The following FAM216A variants were observed in gnomAD, a reference collection of about 807,000 sequenced individuals.
The protein encoded by FAM216A is protein FAM216A.
A neutral mutation model predicts 37.6 loss-of-function variants in FAM216A; 26 were observed. The ratio of observed to expected loss-of-function variants is 0.69; its 90% CI spans 0.51 to 0.96. The LOEUF is 0.96. FAM216A is among the 40% of genes least tolerant of loss of function. The pLI is 0.00. For missense variants in FAM216A, 326 were observed against 339.3 expected (o/e 0.96, Z 0.31); for synonymous variants, 110 against 121.7 (o/e 0.90, Z 0.64).
intron 2 of FAM216A, among the ~76,000 whole-genome samples, chr12:110,477,198 C>G (rs976948677): frequency 1.3e-5 from 2 of 152,150 alleles, no homozygotes; most frequent in Non-Finnish European, 2.9e-5. Context: ...ATGTTGTCAT[C>G]GTTTGGTTCA....
intron 2 of FAM216A, among the ~76,000 whole-genome samples, chr12:110,476,725 A>G (rs1335830339): frequency 2.7e-5 from 4 of 150,080 alleles, no homozygotes; most frequent in South Asian, 4.2e-4. Context: ...ACAGGGTTTC[A>G]CCATATTGGC....
At chr12:110,486,761 A>AT (rs370427865) in intron 5 of FAM216A, 44 bp downstream of exon 5, 43,467 of 1,169,202 alleles carry the variant, frequency 0.037, no homozygotes, top group Non-Finnish European at 0.04. Flanking sequence ...TCTCAGTTTA[A>AT]TTTTTTTTTT....
rs1301152154 is a variant in FAM216A, at chr12:110,474,146, G to A, written c.184+1028G>A. On this transcript the variant is annotated intron_variant, in intron 2 of 6. Transcript: ENST00000377673. ...TAAATAATATGGTCATTTAAAAAAT[G>A]TGTTGCAGTCTGGGTTCATTAATTT... is the stretch of plus-strand genomic sequence containing the variant. Among the ~76,000 whole-genome samples the A allele has an allele frequency of 9.9e-5, 15 of 152,098 alleles. No individual in the cohort carries two copies. In the East Asian group the frequency reaches 2.7e-3, roughly 27 times the overall value.
rs562509162 is a variant in FAM216A at position 110,478,531 on chromosome 12, C to T, written c.184+5413C>T. Among the ~76,000 whole-genome samples the T allele has an allele frequency of 9.3e-4, 141 of 152,248 alleles. 1 individual carries two copies. The highest frequency in any genetic ancestry group is 3.4e-3 in the Middle Eastern group (1 of 294). On this transcript the variant is annotated intron_variant, in intron 2 of 6. Transcript: ENST00000377673. ...AGGAGTTTCTCTGGCTGAAGTCAGACAGATGTGGGGAAGAGAAGCAGTTAG... is the reference window on the plus strand; with the variant it reads ...AGGAGTTTCTCTGGCTGAAGTCAGATAGATGTGGGGAAGAGAAGCAGTTAG...
chr12:110,486,474 T>C lies in FAM216A; in HGVS notation c.436+20T>C. 1 of 1,608,440 alleles carries C rather than the reference T, an allele frequency of 6.2e-7. No individual in the cohort carries two copies. The highest frequency in any genetic ancestry group is 8.5e-7 in the Non-Finnish European group (1 of 1,175,656). On this transcript the variant is annotated intron_variant, in intron 4 of 6. Coordinates refer to ENST00000377673, the MANE Select transcript of FAM216A (RefSeq NM_013300.3). ...AGCCAGGCAGGTGCACCTCCAGTTG[T>C]CTTTTCACTAGTTTTTACAATTAGT...
At chr12:110,480,088 C>A (rs902506538) in intron 2 of FAM216A, among the ~76,000 whole-genome samples, 1 of 150,280 alleles carries the variant, frequency 6.7e-6, no homozygotes, top group Non-Finnish European at 1.5e-5. Context: ...TGCAATGGCT[C>A]GATCTCGGCT....
upstream of FAM216A, chr12:110,468,668 A>G (rs1338767054): frequency 1.4e-5 from 21 of 1,536,406 alleles, no homozygotes; most frequent in Non-Finnish European, 1.8e-5. Context: ...CACTGCTTCC[A>G]CAGAGAGGTG....
At chr12:110,483,664 A>G (rs1467470598) in intron 2 of FAM216A, among the ~76,000 whole-genome samples, 2 of 151,998 alleles carry the variant, frequency 1.3e-5, no homozygotes, top group Non-Finnish European at 2.9e-5. Flanking sequence ...TCTCTACTAA[A>G]AATACAAAAA....
chr12:110,486,586 G>A lies in FAM216A; in HGVS notation c.489G>A (p.Gln163=). The change falls in exon 5 of 7, where the codon CAG becomes CAA. Residue 163 remains glutamine, a synonymous_variant. Transcript: ENST00000377673. ...SRLSSRYSQK[Q]HYPCTTWRHQ... is the part of the protein sequence containing the mutation. ...TTAGCTCCCGTTACTCACAGAAACAGCATTACCCTTGCACTACATGGCGAC... is the reference window on the plus strand; with the variant it reads ...TTAGCTCCCGTTACTCACAGAAACAACATTACCCTTGCACTACATGGCGAC... 1.2e-6 allele frequency: 2 copies of A among 1,614,136 alleles called. No homozygotes were observed. Among genetic ancestry groups the A allele is most frequent in the Non-Finnish European group, 8.5e-7 (1 of 1,180,034 alleles).
In FAM216A at chr12:110,486,680, C is replaced by G. The variant is rs748360911; in HGVS notation, c.583C>G (p.Gln195Glu). 1.2e-6 allele frequency: 2 copies of G among 1,614,096 alleles called. No homozygotes were observed. The highest frequency in any genetic ancestry group is 1.7e-4 in the Middle Eastern group (1 of 6,060). ...AAASAPEMLI[Q>E]HSLWRPVRNK... ...TGCATCTGCACCTGAAATGCTCATA[C>G]AGCATTCCCTTTGGCGGCCAGTGAG... Residue 195 changes from glutamine (Q) to glutamate (E), a missense_variant, in exon 5 of 7, where the codon CAG becomes GAG. By Grantham distance (29) the Gln-to-Glu change is conservative. Transcript: ENST00000377673.
chr12:110,481,781 T>G (rs1053716162), intron 2 of FAM216A, among the ~76,000 whole-genome samples: 1 of 152,164 alleles, frequency 6.6e-6, no homozygotes, highest in African/African-American at 2.4e-5. Flanking sequence ...AAGGACACAA[T>G]TCATATTCTT....
chr12:110,485,514 A>G (rs895563141), intron 3 of FAM216A, among the ~76,000 whole-genome samples: 3 of 152,166 alleles, frequency 2.0e-5, no homozygotes, highest in African/African-American at 7.2e-5. Flanking sequence ...TAGAAACCCA[A>G]CTTCACACAT....
In FAM216A at chr12:110,486,394, C is replaced by T. The variant is rs762742369; in HGVS notation, c.376C>T (p.Leu126=). The T allele has an allele frequency of 6.2e-7, 1 of 1,613,958 alleles. No homozygotes were observed. Among genetic ancestry groups the T allele is most frequent in the Non-Finnish European group, 8.5e-7 (1 of 1,179,956 alleles). Residue 126 remains leucine (L), a synonymous_variant, in exon 4 of 7, where the codon CTG becomes TTG. Coordinates refer to ENST00000377673, the MANE Select transcript of FAM216A (RefSeq NM_013300.3). ...SIAKIYNANY[L]KMLMKRQYMH... ...TGCTAAAATCTATAATGCAAACTAT[C>T]TGAAGATGTTAATGAAGAGGCAGTA...
intron 2 of FAM216A, among the ~76,000 whole-genome samples, chr12:110,481,939 G>C (rs543761630): frequency 5.9e-5 from 9 of 152,072 alleles, no homozygotes; most frequent in Admixed American, 5.2e-4. Context: ...CCATTTCTTG[G>C]TCAACTAGTT....
chr12:110,474,891 T>C (rs2135543743), intron 2 of FAM216A, among the ~76,000 whole-genome samples: 1 of 151,512 alleles, frequency 6.6e-6, no homozygotes, highest in South Asian at 2.1e-4. Context: ...TCCCAGCTAC[T>C]CCAGGCAGGA....
chr12:110,488,768 A>C (rs887817883), intron 6 of FAM216A, among the ~76,000 whole-genome samples: 3 of 152,234 alleles, frequency 2.0e-5, no homozygotes, highest in Admixed American at 6.5e-5. Context: ...CCTAAAAAAC[A>C]CATATCTATG....
chr12:110,488,020 T>A, intron 6 of FAM216A, 77 bp downstream of exon 6: 1 of 852,514 alleles, frequency 1.2e-6, no homozygotes, highest in South Asian at 1.5e-5. Flanking sequence ...CAATTTCATT[T>A]CTATTATGAA....
At chr12:110,485,237 T>G (rs762687139) in intron 3 of FAM216A, 38 bp downstream of exon 3, 1 of 1,575,694 alleles carries the variant, frequency 6.3e-7, no homozygotes, top group Non-Finnish European at 8.6e-7. Flanking sequence ...CCAATACTCT[T>G]TGTATTCAGA....
Position 110,490,305 on chromosome 12 carries a change from T to C in FAM216A, c.*168T>C. The C allele has an allele frequency of 3.3e-6, 2 of 613,626 alleles. No homozygotes were observed. Among genetic ancestry groups the C allele is most frequent in the Non-Finnish European group, 5.8e-6 (2 of 345,056 alleles). The allele number at this position is 613,626 out of a possible 1,614,324, so 38.0% of individuals were successfully genotyped here. The stretch of plus-strand genomic sequence containing the variant: ...GGTCTGATGTAGTTCCATGTACCAA[T>C]GATAGTTATGTAAGAAAATTTACAT... On this transcript the variant is annotated 3_prime_UTR_variant, in exon 7 of 7. Transcript: ENST00000377673.
Sources: gnomAD v4.1 joint callset for allele counts (sites outside exome capture counted in the v4.1 genomes callset) on GRCh38, gnomAD v4.1.1 for gene constraint, MANE v1.5 for transcripts, NCBI Gene and HGNC (gene_info 2026-07-23, HGNC 2026-07-21) for gene names.